Variants in PDE4D observed in about 807,000 individuals in gnomAD.
PDE4D encodes the protein 3',5'-cyclic-AMP phosphodiesterase 4D.
In PDE4D, 24 loss-of-function variants were observed where a neutral mutation model predicts 87.4. The ratio of observed to expected loss-of-function variants is 0.27; its 90% CI spans 0.20 to 0.39. PDE4D has a LOEUF of 0.39. Among genes scored for constraint, PDE4D ranks in the 10% least tolerant of loss-of-function variants. The pLI, the probability that PDE4D is intolerant of heterozygous loss-of-function variation, is 1.00. For synonymous variants in PDE4D, 384 were observed against 383.2 expected, an observed-to-expected ratio of 1.00 and a Z score of -0.02; for missense variants, 714 against 1,041.0, an observed-to-expected ratio of 0.69 and a Z score of 4.32.
intron 1 of PDE4D, among the ~76,000 whole-genome samples, chr5:60,351,293 C>G (rs990146143): frequency 6.6e-6 from 1 of 152,160 alleles, no homozygotes; most frequent in African/African-American, 2.4e-5. Context: ...ATCTTCTTCT[C>G]CTTTCATAAC....
chr5:60,331,748 G>C (rs4349679), intron 1 of PDE4D, among the ~76,000 whole-genome samples: 38,807 of 152,108 alleles, frequency 0.26, 5,421 homozygotes, highest in East Asian at 0.48. Context: ...AGGGAATATT[G>C]TTGCTCAAGT....
At chr5:59,545,297 C>T (rs1435027484) in intron 1 of PDE4D, among the ~76,000 whole-genome samples, 1 of 151,998 alleles carries the variant, frequency 6.6e-6, no homozygotes, top group Non-Finnish European at 1.5e-5. Context: ...AGCCAGTCAG[C>T]AACAGTGCTG....
chr5:60,190,349 T>C lies in PDE4D; in HGVS notation c.-89-4662A>G, dbSNP rs553593093. On this transcript the variant is annotated intron_variant, in intron 1 of 16. Transcript: ENST00000502484. The stretch of plus-strand genomic sequence containing the variant: ...CTGCTTCAGTTGGCCCTCTGCTACA[T>C]TGGTAGCAGAAACAAGGGAAGAAAG... Among the ~76,000 whole-genome samples the C allele has an allele frequency of 3.3e-5, 5 of 152,314 alleles. No homozygotes were observed. The East Asian group carries it at 9.7e-4, about 29-fold the overall frequency.
At chr5:59,309,157 G>A (rs1180206914) in intron 1 of PDE4D, among the ~76,000 whole-genome samples, 2 of 152,128 alleles carry the variant, frequency 1.3e-5, no homozygotes, top group Admixed American at 1.3e-4. Flanking sequence ...AGATGAGCTT[G>A]AAAATCTGCC....
chr5:60,355,245 T>C lies in PDE4D; in HGVS notation c.-90+132697A>G, dbSNP rs1759523421. On this transcript the variant is annotated intron_variant, in intron 1 of 16. Coordinates refer to the PDE4D transcript ENST00000502484. ...AAGGTCACTGTGACCTTTGGTCACC[T>C]GACTATTATACTTTCCCTGCACTTT... Among the ~76,000 whole-genome samples the C allele has an allele frequency of 2.6e-5, 4 of 152,220 alleles. No homozygotes were observed. The South Asian group carries it at 8.3e-4, about 32-fold the overall frequency.
intron 1 of PDE4D, among the ~76,000 whole-genome samples, chr5:59,881,962 G>A (rs1749491953): frequency 6.6e-6 from 1 of 152,128 alleles, no homozygotes; most frequent in African/African-American, 2.4e-5. Context: ...TTCAGGCAGA[G>A]GAAACAAGAC....
chr5:59,846,103 T>G (rs888585546), intron 1 of PDE4D, among the ~76,000 whole-genome samples: 2 of 152,088 alleles, frequency 1.3e-5, no homozygotes, highest in Non-Finnish European at 2.9e-5. Flanking sequence ...AAAAGCCCAA[T>G]GACTCCCTGC....
intron 1 of PDE4D, among the ~76,000 whole-genome samples, chr5:59,564,301 A>C (rs294492): frequency 0.87 from 131,803 of 152,118 alleles, 57,186 homozygotes; most frequent in South Asian, 0.93. Context: ...GAACAGCATA[A>C]AAAATGATCC....
chr5:59,339,507 G>GT (rs1020499988), intron 1 of PDE4D, among the ~76,000 whole-genome samples: 16 of 152,174 alleles, frequency 1.1e-4, no homozygotes, highest in African/African-American at 3.6e-4. Flanking sequence ...AAGTTAAACA[G>GT]TTTTTTAGCA....
intron 1 of PDE4D, among the ~76,000 whole-genome samples, chr5:59,621,545 T>C (rs1830358709): frequency 6.6e-6 from 1 of 152,214 alleles, no homozygotes; most frequent in Admixed American, 6.5e-5. Context: ...GATTGGGTAT[T>C]CCCTAGCATA....
Position 60,256,540 on chromosome 5 carries a change from G to A in PDE4D, c.-89-70853C>T, listed in dbSNP as rs114877332. ...TTGAATCTCATGAATGTTTTAGAAC[G>A]AAAGAGAATCAAACAACTGCATTTA... On this transcript the variant is annotated intron_variant, in intron 1 of 16. Transcript: ENST00000502484. Among the ~76,000 whole-genome samples the A allele has an allele frequency of 7.2e-3, 1,097 of 151,896 alleles. 19 individuals carry two copies. Among genetic ancestry groups the A allele is most frequent in the African/African-American group, 0.025 (1,031 of 41,476 alleles).
chr5:59,136,040 C>T (rs34131200), intron 5 of PDE4D, among the ~76,000 whole-genome samples: 61,945 of 146,812 alleles, frequency 0.42, 13,350 homozygotes, highest in African/African-American at 0.54. Flanking sequence ...AAAAAAAAAA[C>T]CCTAAACAAA....
At chr5:60,483,420 A>G (rs1437479413) in intron 1 of PDE4D, among the ~76,000 whole-genome samples, 2 of 152,170 alleles carry the variant, frequency 1.3e-5, no homozygotes, top group African/African-American at 4.8e-5. Flanking sequence ...TTTTGAGGAG[A>G]AAAGTAGCAA....
intron 1 of PDE4D, among the ~76,000 whole-genome samples, chr5:60,229,124 G>A (rs1029384273): frequency 2.0e-5 from 3 of 152,046 alleles, no homozygotes; most frequent in African/African-American, 7.2e-5. Flanking sequence ...GTAATAAGAA[G>A]CCAAGCATTG....
At chr5:59,989,932 A>C (rs1024558627) in intron 2 of PDE4D, among the ~76,000 whole-genome samples, 2 of 152,194 alleles carry the variant, frequency 1.3e-5, no homozygotes, top group African/African-American at 4.8e-5. Context: ...TTATTATAAA[A>C]ATGGGACTAA....
chr5:59,864,346 G>A (rs1746712176), intron 1 of PDE4D, among the ~76,000 whole-genome samples: 1 of 152,130 alleles, frequency 6.6e-6, no homozygotes, highest in African/African-American at 2.4e-5. Flanking sequence ...TAAATGTGTT[G>A]GCTATTATTT....
At chr5:60,181,621 G>A (rs1437411300) in intron 2 of PDE4D, among the ~76,000 whole-genome samples, 1 of 152,094 alleles carries the variant, frequency 6.6e-6, no homozygotes, top group Non-Finnish European at 1.5e-5. Context: ...ATTTCATCAA[G>A]AAAATTAACA....
At chr5:59,807,927 T>C (rs1383231784) in intron 1 of PDE4D, among the ~76,000 whole-genome samples, 1 of 152,190 alleles carries the variant, frequency 6.6e-6, no homozygotes, top group Non-Finnish European at 1.5e-5. Context: ...CAGACGTCTG[T>C]GGTGGGGTTG....
chr5:60,334,030 A>G (rs1260983796), intron 1 of PDE4D, among the ~76,000 whole-genome samples: 3 of 152,318 alleles, frequency 2.0e-5, no homozygotes, highest in South Asian at 4.1e-4. Context: ...CATTCTCACA[A>G]TATCAATCAA....
Sources: allele counts gnomAD v4.1 joint callset (sites outside exome capture counted in the v4.1 genomes callset), GRCh38; gene constraint gnomAD v4.1.1; transcripts MANE v1.5; gene names NCBI Gene and HGNC (gene_info 2026-07-23, HGNC 2026-07-21).